The following AMOT variants were observed in gnomAD, a reference collection of about 807,000 sequenced individuals.
AMOT encodes angiomotin.
Under a neutral mutation model 67.0 loss-of-function variants are expected in AMOT, and 11 were observed. The ratio of observed to expected loss-of-function variants is 0.16; its 90% CI spans 0.10 to 0.27. The LOEUF (loss-of-function observed/expected upper bound fraction) is 0.27, where lower values mean the gene tolerates loss of function less well. Among genes scored for constraint, AMOT ranks in the 10% least tolerant of loss-of-function variants. AMOT has a pLI of 1.00. For synonymous variants in AMOT, 326 were observed against 321.4 expected (o/e 1.01, Z -0.15); for missense variants, 753 against 852.0 (o/e 0.88, Z 1.45).
intron 10 of AMOT, among the ~76,000 whole-genome samples, chrX:112,785,990 A>C (rs1933352403): frequency 8.9e-6 from 1 of 112,352 alleles, no homozygotes; most frequent in African/African-American, 3.2e-5. Context: ...GGTACACTGG[A>C]GTGAAAGTGA....
rs997817859 is a variant in AMOT, at chrX:112,825,195, C to T, written c.-186G>A. The T allele has an allele frequency of 9.0e-6, 1 of 111,571 alleles. No homozygotes were observed. Among genetic ancestry groups the T allele is most frequent in the Non-Finnish European group, 1.9e-5 (1 of 53,134 alleles). 9.2% of individuals were successfully genotyped at this position (111,571 alleles called of 1,213,427 possible). Reference sequence around the variant, plus strand: ...TAACACTCAGGTTCAGGGTAAGCGCCGCCAAGAGTCCAACCACTGGTCACT... The same window carrying T: ...TAACACTCAGGTTCAGGGTAAGCGCTGCCAAGAGTCCAACCACTGGTCACT... On this transcript the variant is annotated 5_prime_UTR_variant, in exon 3 of 14. Coordinates refer to ENST00000371959, the MANE Select transcript of AMOT (RefSeq NM_001113490.2).
At chrX:112,820,880 A>T (rs1934695171) in intron 4 of AMOT, among the ~76,000 whole-genome samples, 2 of 109,464 alleles carry the variant, frequency 1.8e-5, no homozygotes, top group African/African-American at 6.7e-5. Context: ...CACTGATCAG[A>T]ACATAGGCTC....
intron 2 of AMOT, among the ~76,000 whole-genome samples, chrX:112,829,714 G>C (rs989572231): frequency 2.7e-5 from 3 of 112,126 alleles, no homozygotes; most frequent in Non-Finnish European, 5.6e-5. Flanking sequence ...GGTAACTCAA[G>C]GTCTTGGTCG....
At chrX:112,823,307 A>C in intron 3 of AMOT, 119 bp from the exon 4 acceptor site, 1 of 458,180 alleles carries the variant, frequency 2.2e-6, no homozygotes, top group Non-Finnish European at 3.6e-6. Context: ...TAGAGAATTG[A>C]CTCTAAAATT....
At chrX:112,799,871 C>G in intron 8 of AMOT, among the ~76,000 whole-genome samples, 1 of 112,092 alleles carries the variant, frequency 8.9e-6, no homozygotes. Flanking sequence ...AGAGAGATCA[C>G]TCCATCTCTA....
intron 2 of AMOT, among the ~76,000 whole-genome samples, chrX:112,830,996 GAGCCTGTGTGTGTAGCTCTATTTTC>G (rs1934972074): frequency 9.0e-6 from 1 of 110,654 alleles, no homozygotes; most frequent in Non-Finnish European, 1.9e-5. Flanking sequence ...CATGATCAAT[GAGCCTGTGTGTGTAGCTCTATTTTC>G]AGCCTCAGTT....
chrX:112,824,840 C>T (rs1463305419), intron 3 of AMOT, among the ~76,000 whole-genome samples: 2 of 111,255 alleles, frequency 1.8e-5, no homozygotes, highest in Non-Finnish European at 1.9e-5. Flanking sequence ...ATTACTTTTC[C>T]CTGCTCACAA....
chrX:112,814,439 A>G (rs73636627), intron 5 of AMOT, among the ~76,000 whole-genome samples: 1,642 of 110,735 alleles, frequency 0.015, 35 homozygotes, highest in African/African-American at 0.052. Flanking sequence ...TGGACAATAC[A>G]AGGCATCCTC....
intron 2 of AMOT, among the ~76,000 whole-genome samples, chrX:112,826,074 A>G (rs1268707976): frequency 9.0e-6 from 1 of 111,386 alleles, no homozygotes; most frequent in African/African-American, 3.3e-5. Flanking sequence ...GATTTGAGAT[A>G]GTCCTTATGT....
At chrX:112,816,351 A>G (rs1003681458) in intron 4 of AMOT, among the ~76,000 whole-genome samples, 1 of 111,436 alleles carries the variant, frequency 9.0e-6, no homozygotes, top group Non-Finnish European at 1.9e-5. Context: ...AAACAGCCAT[A>G]AAAACCACCC....
In AMOT at chrX:112,811,536, C is replaced by G. The variant is rs148799108; in HGVS notation, c.1393-143G>C. Reference sequence around the variant, plus strand: ...AGGCAAGCATAACACAGTCAGATGACACAAGTTTCAAGAAAGGATCTCCAC... The same window carrying G: ...AGGCAAGCATAACACAGTCAGATGAGACAAGTTTCAAGAAAGGATCTCCAC... On this transcript the variant is annotated intron_variant, in intron 5 of 13. Transcript: ENST00000371959. 3.3e-3 allele frequency: 1,942 copies of G among 584,482 alleles called. 34 individuals carry two copies. The African/African-American group carries it at 0.041, about 12-fold the overall frequency. The allele number at this position is 584,482 out of a possible 1,213,427, so 48.2% of individuals were successfully genotyped here.
intron 9 of AMOT, 103 bp from the exon 10 acceptor site, chrX:112,790,885 C>T (rs1476784074): frequency 5.4e-5 from 41 of 764,815 alleles, no homozygotes; most frequent in East Asian, 7.7e-5. Flanking sequence ...ACTTCTGTTT[C>T]GACTCTGATT....
intron 1 of AMOT, among the ~76,000 whole-genome samples, chrX:112,838,335 G>A (rs921946340): frequency 2.7e-5 from 3 of 112,063 alleles, no homozygotes; most frequent in Non-Finnish European, 5.6e-5. Context: ...AAGGAAGAAA[G>A]GGGGATGGGG....
intron 4 of AMOT, among the ~76,000 whole-genome samples, chrX:112,820,952 AG>A (rs1339405422): frequency 2.9e-5 from 3 of 104,821 alleles, no homozygotes; most frequent in Non-Finnish European, 5.8e-5. Flanking sequence ...CTGGGTTAAG[AG>A]GGAAAAAAAA....
intron 8 of AMOT, 45 bp downstream of exon 8, chrX:112,804,902 A>G: frequency 2.4e-4 from 88 of 363,723 alleles, no homozygotes; most frequent in Non-Finnish European, 3.9e-4. Context: ...CCGATTTCCC[A>G]GCCCTCCCAC....
rs147860432 is a variant in AMOT, at chrX:112,782,857, C to T, written c.2118-195G>A. On this transcript the variant is annotated intron_variant, in intron 10 of 13. Coordinates refer to ENST00000371959, the MANE Select transcript of AMOT (RefSeq NM_001113490.2). ...GTTCAGCGTTCAGGGTAGAAGGCAA[C>T]GTTATTAGTATAGAAGTGGCTGCAA... Among the ~76,000 whole-genome samples, 621 of 111,885 alleles carry T rather than the reference C, an allele frequency of 5.6e-3. 5 individuals carry two copies. Among genetic ancestry groups the T allele is most frequent in the African/African-American group, 0.019 (586 of 30,796 alleles).
intron 4 of AMOT, among the ~76,000 whole-genome samples, chrX:112,818,683 G>A (rs1934632784): frequency 9.0e-6 from 1 of 111,624 alleles, no homozygotes; most frequent in South Asian, 3.9e-4. Flanking sequence ...GAATGACGGG[G>A]TAAGGGAGAG....
chrX:112,822,101 G>A (rs931156235), intron 4 of AMOT, among the ~76,000 whole-genome samples, 154 bp downstream of exon 4: 5 of 112,588 alleles, frequency 4.4e-5, no homozygotes, highest in Non-Finnish European at 9.4e-5. Context: ...ATACAAATTC[G>A]GGTTGGCAGG....
At chrX:112,796,369 G>A (rs1270400175) in intron 8 of AMOT, among the ~76,000 whole-genome samples, 2 of 112,010 alleles carry the variant, frequency 1.8e-5, no homozygotes, top group Admixed American at 9.5e-5. Flanking sequence ...ATAGTGGTTC[G>A]AGTGTTTGTG....
Sources: gnomAD v4.1 joint callset for allele counts (sites outside exome capture counted in the v4.1 genomes callset) on GRCh38, gnomAD v4.1.1 for gene constraint, MANE v1.5 for transcripts, NCBI Gene and HGNC (gene_info 2026-07-23, HGNC 2026-07-21) for gene names.